The following OPN1LW variants were observed in gnomAD, a reference collection of about 807,000 sequenced individuals.
The protein encoded by OPN1LW is opsin 1, long wave sensitive.
OPN1LW carries 4 observed loss-of-function variants against 18.1 expected under a neutral mutation model. That is an observed-to-expected ratio of 0.22 (90% CI 0.11 to 0.51). The LOEUF (loss-of-function observed/expected upper bound fraction) is 0.51, where lower values mean the gene tolerates loss of function less well. Among genes scored for constraint, OPN1LW ranks in the 20% least tolerant of loss-of-function variants. The pLI is 0.97. For missense variants in OPN1LW, 164 were observed against 234.9 expected, an observed-to-expected ratio of 0.70 and a Z score of 1.97; for synonymous variants, 86 against 101.2, an observed-to-expected ratio of 0.85 and a Z score of 0.90.
chrX:154,151,035 C>A, intron 2 of OPN1LW, 83 bp downstream of exon 2: 1 of 1,156,303 alleles, frequency 8.6e-7, no homozygotes, highest in Non-Finnish European at 1.2e-6. Flanking sequence ...TGATCGGGGC[C>A]CAGCTGCTCC....
intron 2 of OPN1LW, 24 bp downstream of exon 2, chrX:154,150,976 C>T (rs782399134): frequency 2.1e-5 from 25 of 1,179,110 alleles, no homozygotes; most frequent in East Asian, 5.9e-5. Context: ...GGCCCAGGCT[C>T]GGCGGAAACC....
chrX:154,154,078 T>C (rs1161249961), intron 3 of OPN1LW, among the ~76,000 whole-genome samples: 1 of 94,839 alleles, frequency 1.1e-5, no homozygotes, highest in Non-Finnish European at 2.0e-5. Flanking sequence ...GTGATCCTCC[T>C]ACCTCAGCCT....
chrX:154,144,296 T>C lies in OPN1LW; in HGVS notation c.13T>C (p.Trp5Arg), dbSNP rs1557156888. The change falls in exon 1 of 6, where the codon TGG becomes CGG. Residue 5 changes from tryptophan (W) to arginine (R), a missense_variant. Transcript: ENST00000369951. ...GCTTTCCATAGCCATGGCCCAGCAGTGGAGCCTCCAAAGGCTCGCAGGCCG... is the reference window on the plus strand; with the variant it reads ...GCTTTCCATAGCCATGGCCCAGCAGCGGAGCCTCCAAAGGCTCGCAGGCCG... The part of the protein sequence containing the change: MAQQ[W>R]SLQRLAGRHP... 2 of 1,202,665 alleles carry C rather than the reference T, an allele frequency of 1.7e-6. No individual in the cohort carries two copies. Among genetic ancestry groups the C allele is most frequent in the Non-Finnish European group, 2.2e-6 (2 of 892,165 alleles).
intron 1 of OPN1LW, among the ~76,000 whole-genome samples, chrX:154,149,584 A>G (rs1557157336): frequency 1.1e-5 from 1 of 87,165 alleles, no homozygotes; most frequent in Non-Finnish European, 2.1e-5. Context: ...AGAAATTACC[A>G]TAGATTGGGT....
chrX:154,154,614 G>C lies in OPN1LW; in HGVS notation c.619G>C (p.Val207Leu). Residue 207 changes from valine to leucine, a missense_variant, in exon 4 of 6, where the codon GTG becomes CTG. By Grantham distance (32) the Val-to-Leu change is conservative. Coordinates refer to ENST00000369951, the MANE Select transcript of OPN1LW (RefSeq NM_020061.6). ...CCTGAAGACTTCATGCGGCCCAGAC[G>C]TGTTCAGCGGCAGCTCGTACCCCGG... ...HGLKTSCGPDVFSGSSYPGVQ... is the reference protein window; with the variant it reads ...HGLKTSCGPDLFSGSSYPGVQ... 1 of 1,182,450 alleles carries C rather than the reference G, an allele frequency of 8.5e-7. No homozygotes were observed.
intron 1 of OPN1LW, among the ~76,000 whole-genome samples, chrX:154,148,178 G>A (rs1187002765): frequency 9.7e-6 from 1 of 103,246 alleles, no homozygotes; most frequent in African/African-American, 4.2e-5. Flanking sequence ...GAGCCCAGGA[G>A]TTCCACGTTG....
intron 4 of OPN1LW, among the ~76,000 whole-genome samples, chrX:154,155,013 G>C (rs781987854): frequency 2.6e-3 from 19 of 7,352 alleles, no homozygotes; most frequent in African/African-American, 0.012. Context: ...GTCCACTAAG[G>C]GAACAGAGGT....
chrX:154,150,557 A>C (rs2067070374), intron 1 of OPN1LW, 99 bp from the exon 2 acceptor site: 1 of 960,540 alleles, frequency 1.0e-6, no homozygotes, highest in South Asian at 2.1e-5. Context: ...TTGCAAAGGC[A>C]GGAGGGCGGA....
At chrX:154,149,566 A>T (rs1486610105) in intron 1 of OPN1LW, among the ~76,000 whole-genome samples, 3 of 92,593 alleles carry the variant, frequency 3.2e-5, no homozygotes, top group Non-Finnish European at 6.0e-5. Context: ...AAAGGAAAAG[A>T]ATAAAAGAGA....
chrX:154,149,204 C>CA lies in OPN1LW; in HGVS notation c.113-1443dup, dbSNP rs1446582832. Among the ~76,000 whole-genome samples, 175 of 87,962 alleles carry CA rather than the reference C, an allele frequency of 2.0e-3. 3 individuals carry two copies. Among genetic ancestry groups the CA allele is most frequent in the Non-Finnish European group, 2.8e-3 (135 of 47,504 alleles). The allele number at this position is 87,962 out of a possible 115,157, so 76.4% of individuals were successfully genotyped here. A position where few individuals can be genotyped will look rare whatever the true frequency, so the allele number is the denominator to read the frequency against. ...TGGGTGACAGAGCAAGACTCCGTCT[C>CA]AAAAAAAAAGAAAAAAAAAAGAAAA... On this transcript the variant is annotated intron_variant, in intron 1 of 5. Coordinates refer to ENST00000369951, the MANE Select transcript of OPN1LW (RefSeq NM_020061.6).
rs372850819 is a variant in OPN1LW at position 154,156,506 on chromosome X, C to T, written c.957C>T (p.Pro319=). The change falls in exon 5 of 6, where the codon CCC becomes CCT. Residue 319 remains proline (P), a synonymous_variant. Coordinates refer to ENST00000369951, the MANE Select transcript of OPN1LW (RefSeq NM_020061.6). ...CCAAAAGTGCCACTATCTACAACCC[C>T]GTTATCTATGTCTTTATGAACCGGC... ...YFAKSATIYN[P]VIYVFMNRQF... 136 of 1,201,019 alleles carry T rather than the reference C, an allele frequency of 1.1e-4. No homozygotes were observed. The highest frequency in any genetic ancestry group is 1.4e-4 in the Non-Finnish European group (128 of 889,619).
intron 1 of OPN1LW, among the ~76,000 whole-genome samples, chrX:154,145,660 G>T (rs1420291920): frequency 4.7e-5 from 3 of 63,734 alleles, no homozygotes; most frequent in African/African-American, 6.0e-5. Context: ...AATTTCCTTG[G>T]TGGCAATGTC....
At chrX:154,154,244 G>A (rs150866845) in intron 3 of OPN1LW, among the ~76,000 whole-genome samples, 222 of 98,440 alleles carry the variant, frequency 2.3e-3, no homozygotes, top group African/African-American at 8.0e-3. Flanking sequence ...GACTATAGGC[G>A]TGAGCCATTG....
chrX:154,156,217 C>G, intron 4 of OPN1LW, 77 bp from the exon 5 acceptor site: 1 of 1,116,932 alleles, frequency 9.0e-7, no homozygotes, highest in Non-Finnish European at 1.2e-6. Flanking sequence ...TCTCCTCCTC[C>G]CCACAACTCC....
At position 154,149,446 on chromosome X, in the gene OPN1LW, T is replaced by C. The variant is rs782228692; in HGVS notation, c.113-1210T>C. Among the ~76,000 whole-genome samples, 359 of 90,209 alleles carry C rather than the reference T, an allele frequency of 4.0e-3. 8 individuals carry two copies. Among genetic ancestry groups the C allele is most frequent in the African/African-American group, 0.018 (343 of 19,101 alleles). The allele number at this position is 90,209 out of a possible 115,157, so 78.3% of individuals were successfully genotyped here. ...ACTCCGGAGGCTGAGGCAGGAGAAT[T>C]GCTTGAACCCAGGAGGCGGAGGTTG... On this transcript the variant is annotated intron_variant, in intron 1 of 5. Transcript: ENST00000369951.
rs782053435 is a variant in OPN1LW at position 154,144,259 on chromosome X, G to A, written c.-25G>A. The A allele has an allele frequency of 2.5e-5, 30 of 1,207,849 alleles. No individual in the cohort carries two copies. The highest frequency in any genetic ancestry group is 1.5e-4 in the Admixed American group (7 of 45,875). On this transcript the variant is annotated 5_prime_UTR_variant, in exon 1 of 6. Transcript: ENST00000369951. ...AGGTGATGCGCCAGGGCCGGCTGCC[G>A]TCGGGGACAGGGCTTTCCATAGCCA...
intron 4 of OPN1LW, 129 bp from the exon 5 acceptor site, chrX:154,156,165 G>C: frequency 1.2e-6 from 1 of 819,372 alleles, no homozygotes; most frequent in Non-Finnish European, 1.7e-6. Context: ...GCCTGGGGCC[G>C]GCTGTGCTCC....
At chrX:154,148,250 A>G (rs1219655234) in intron 1 of OPN1LW, among the ~76,000 whole-genome samples, 2 of 101,956 alleles carry the variant, frequency 2.0e-5, no homozygotes, top group African/African-American at 8.6e-5. Context: ...CTCTATCTCT[A>G]TTTGGTGTTG....
rs782101481 is a variant in OPN1LW, at chrX:154,156,347, G to C, written c.798G>C (p.Val266=). ...CCACCCAGAAGGCAGAGAAGGAAGTGACGCGCATGGTGGTGGTGATGATCT... is the reference window on the plus strand; with the variant it reads ...CCACCCAGAAGGCAGAGAAGGAAGTCACGCGCATGGTGGTGGTGATGATCT... The part of the protein sequence containing the change: ...SESTQKAEKE[V]TRMVVVMIFA... The change falls in exon 5 of 6, where the codon GTG becomes GTC. Residue 266 remains valine, a synonymous_variant. Coordinates refer to ENST00000369951, the MANE Select transcript of OPN1LW (RefSeq NM_020061.6). 9.1e-6 allele frequency: 11 copies of C among 1,203,890 alleles called. No homozygotes were observed. Among genetic ancestry groups the C allele is most frequent in the Non-Finnish European group, 1.1e-5 (10 of 890,190 alleles).
Sources: allele counts gnomAD v4.1 joint callset (sites outside exome capture counted in the v4.1 genomes callset), GRCh38; gene constraint gnomAD v4.1.1; transcripts MANE v1.5; gene names NCBI Gene and HGNC (gene_info 2026-07-23, HGNC 2026-07-21).